The following HOMER1 variants were observed in gnomAD, a reference collection of about 807,000 sequenced individuals.
The protein encoded by HOMER1 is homer protein homolog 1.
A neutral mutation model predicts 48.9 loss-of-function variants in HOMER1; 3 were observed. That is an observed-to-expected ratio of 0.06 (90% CI 0.03 to 0.16). The LOEUF (loss-of-function observed/expected upper bound fraction) is 0.16, where lower values mean the gene tolerates loss of function less well. Among genes scored for constraint, HOMER1 ranks in the 10% least tolerant of loss-of-function variants. The pLI, the probability that HOMER1 is intolerant of heterozygous loss-of-function variation, is 1.00. For synonymous variants in HOMER1, 134 were observed against 146.4 expected (o/e 0.92, Z 0.61); for missense variants, 247 against 411.4 (o/e 0.60, Z 3.46).
intron 1 of HOMER1, among the ~76,000 whole-genome samples, chr5:79,495,324 A>G (rs545186150): frequency 1.6e-4 from 24 of 152,210 alleles, no homozygotes; most frequent in Middle Eastern, 3.4e-3. Context: ...CTCTACCTAA[A>G]ATACCCTAAC....
At chr5:79,471,822 A>C (rs1379749959) in intron 1 of HOMER1, among the ~76,000 whole-genome samples, 1 of 152,176 alleles carries the variant, frequency 6.6e-6, no homozygotes, top group East Asian at 1.9e-4. Context: ...TGTTTCTCAA[A>C]CATGCCAGGC....
chr5:79,457,086 GA>G, intron 1 of HOMER1, 68 bp from the exon 2 acceptor site: 1 of 1,426,264 alleles, frequency 7.0e-7, no homozygotes. Flanking sequence ...AAGAGAACAT[GA>G]AAACTGCAAG....
At chr5:79,380,418 C>T (rs548636653) in intron 8 of HOMER1, among the ~76,000 whole-genome samples, 1 of 152,326 alleles carries the variant, frequency 6.6e-6, no homozygotes, top group Non-Finnish European at 1.5e-5. Context: ...GGCTGTTACA[C>T]CCAGTGCTTA....
intron 5 of HOMER1, among the ~76,000 whole-genome samples, chr5:79,408,066 T>C (rs1053545831): frequency 5.3e-5 from 8 of 151,180 alleles, no homozygotes; most frequent in Middle Eastern, 3.4e-3. Flanking sequence ...ACTGTAGAAA[T>C]TAAACTTTAT....
rs369532375 is a variant in HOMER1, at chr5:79,403,112, A to G, written c.528-1057T>C. Among the ~76,000 whole-genome samples, 20 of 152,318 alleles carry G rather than the reference A, an allele frequency of 1.3e-4. 1 individual carries two copies. Among genetic ancestry groups the G allele is most frequent in the Admixed American group, 5.9e-4 (9 of 15,306 alleles). On this transcript the variant is annotated intron_variant, in intron 5 of 8. Coordinates refer to ENST00000334082, the MANE Select transcript of HOMER1 (RefSeq NM_004272.5). ...TTTTAGTTGGAAAGACTCCTCTTGAAAATTCCTTTCCTAACTTTCCAATGA... is the reference window on the plus strand; with the variant it reads ...TTTTAGTTGGAAAGACTCCTCTTGAGAATTCCTTTCCTAACTTTCCAATGA...
At chr5:79,510,892 G>A (rs1356991070) in intron 1 of HOMER1, 3 of 667,768 alleles carry the variant, frequency 4.5e-6, no homozygotes, top group Non-Finnish European at 8.0e-6. Flanking sequence ...AGAGGCTTCA[G>A]AGTAGATATC....
At chr5:79,420,612 T>C (rs1405014571) in intron 5 of HOMER1, among the ~76,000 whole-genome samples, 1 of 152,224 alleles carries the variant, frequency 6.6e-6, no homozygotes, top group African/African-American at 2.4e-5. Flanking sequence ...AGAGACTGTT[T>C]ACCTGTTCAC....
At chr5:79,454,799 A>T (rs73770422) in intron 2 of HOMER1, among the ~76,000 whole-genome samples, 9,800 of 152,220 alleles carry the variant, frequency 0.064, 794 homozygotes, top group East Asian at 0.19. Flanking sequence ...AACACTAGGC[A>T]ATAATCGCCT....
intron 1 of HOMER1, among the ~76,000 whole-genome samples, chr5:79,491,342 A>C (rs1459078959): frequency 6.9e-6 from 1 of 145,066 alleles, no homozygotes; most frequent in East Asian, 2.3e-4. Context: ...GCGAGGTAGG[A>C]GGCAGAAGAT....
At chr5:79,388,877 G>A (rs551319851) in intron 8 of HOMER1, among the ~76,000 whole-genome samples, 7 of 152,058 alleles carry the variant, frequency 4.6e-5, no homozygotes, top group African/African-American at 1.7e-4. Flanking sequence ...AGCTCCTGAA[G>A]AAGAAAAATA....
At chr5:79,442,110 C>T (rs909812283) in intron 4 of HOMER1, among the ~76,000 whole-genome samples, 18 of 151,988 alleles carry the variant, frequency 1.2e-4, no homozygotes, top group Non-Finnish European at 2.2e-4. Flanking sequence ...CCACTTACAT[C>T]TCATTTTTTT....
chr5:79,482,091 G>A (rs1335644025), intron 1 of HOMER1, among the ~76,000 whole-genome samples: 2 of 151,948 alleles, frequency 1.3e-5, no homozygotes, highest in Admixed American at 6.6e-5. Flanking sequence ...ATGGTGGTGT[G>A]TACATGTAGT....
intron 1 of HOMER1, among the ~76,000 whole-genome samples, chr5:79,485,077 T>TAAAA: frequency 6.7e-6 from 1 of 149,298 alleles, no homozygotes; most frequent in Admixed American, 6.7e-5. Context: ...GTGTCAAAAG[T>TAAAA]AAAACAAAAC....
chr5:79,463,004 ATTTCC>A (rs1427765578), intron 1 of HOMER1, among the ~76,000 whole-genome samples: 1 of 152,216 alleles, frequency 6.6e-6, no homozygotes, highest in South Asian at 2.1e-4. Flanking sequence ...GTTTCAAATA[ATTTCC>A]TTTCTTTTTA....
intron 4 of HOMER1, among the ~76,000 whole-genome samples, chr5:79,443,052 C>G (rs1476222297): frequency 2.0e-5 from 3 of 152,154 alleles, no homozygotes; most frequent in African/African-American, 7.2e-5. Flanking sequence ...AATTGTTACT[C>G]TGCTTGAATA....
At chr5:79,494,911 T>C (rs1369223257) in intron 1 of HOMER1, among the ~76,000 whole-genome samples, 1 of 152,208 alleles carries the variant, frequency 6.6e-6, no homozygotes. Context: ...GCCTGAGTAG[T>C]TGATCTAAAA....
chr5:79,477,310 T>G (rs928500898), intron 1 of HOMER1, among the ~76,000 whole-genome samples: 1 of 152,256 alleles, frequency 6.6e-6, no homozygotes, highest in African/African-American at 2.4e-5. Flanking sequence ...GTAAAACACT[T>G]GTTATTATTA....
At chr5:79,418,543 C>A (rs1750006457) in intron 5 of HOMER1, among the ~76,000 whole-genome samples, 1 of 152,180 alleles carries the variant, frequency 6.6e-6, no homozygotes, top group African/African-American at 2.4e-5. Flanking sequence ...ATATTACTCA[C>A]AAAAACTCAG....
chr5:79,384,271 AC>A (rs1454816697), intron 8 of HOMER1, among the ~76,000 whole-genome samples: 1 of 152,120 alleles, frequency 6.6e-6, no homozygotes, highest in Non-Finnish European at 1.5e-5. Flanking sequence ...CACTAGCTAG[AC>A]CAAGAAGAGG....
Sources: allele counts gnomAD v4.1 joint callset (sites outside exome capture counted in the v4.1 genomes callset), GRCh38; gene constraint gnomAD v4.1.1; transcripts MANE v1.5; gene names NCBI Gene and HGNC (gene_info 2026-07-23, HGNC 2026-07-21).